AIG1: variants seen among roughly 807,000 people sequenced by gnomAD.
AIG1 encodes androgen induced 1, also known as androgen-induced gene 1 protein.
Under a neutral mutation model 31.4 loss-of-function variants are expected in AIG1, and 23 were observed. The ratio of observed to expected loss-of-function variants is 0.73; its 90% CI spans 0.53 to 1.04. AIG1 has a LOEUF of 1.04. AIG1 is among the 50% of genes least tolerant of loss of function. The pLI is 0.00. For missense variants in AIG1, 274 were observed against 295.0 expected, an observed-to-expected ratio of 0.93 and a Z score of 0.52; for synonymous variants, 100 against 110.5, an observed-to-expected ratio of 0.90 and a Z score of 0.60.
chr6:143,274,916 T>C (rs111800064), intron 3 of AIG1, among the ~76,000 whole-genome samples: 48 of 152,364 alleles, frequency 3.2e-4, no homozygotes, highest in African/African-American at 1.1e-3. Flanking sequence ...ATGTCTAGTA[T>C]AAACTCAGCA....
intron 1 of AIG1, among the ~76,000 whole-genome samples, chr6:143,085,211 G>C (rs1357137073): frequency 6.6e-6 from 1 of 152,146 alleles, no homozygotes; most frequent in East Asian, 1.9e-4. Context: ...ATACATCTTA[G>C]GGGTGTTTTT....
intron 3 of AIG1, among the ~76,000 whole-genome samples, chr6:143,184,403 G>A (rs1489878018): frequency 3.9e-5 from 6 of 152,158 alleles, no homozygotes; most frequent in African/African-American, 1.4e-4. Flanking sequence ...CAGCTACCCC[G>A]TGGGCATCAC....
rs1383173314 is a variant in AIG1 at position 143,293,493 on chromosome 6, A to G, written c.515+9268A>G. On this transcript the variant is annotated intron_variant, in intron 4 of 5. Transcript: ENST00000357847. This position sits in a 1 kb window ranked among gnomAD's most constrained non-coding sequence, Gnocchi z 4.8. ...CTTCTAAGGAAAAGTCTATCTGGGC[A>G]GTTGAAAGCCTGACAACAGAGAGTA... Among the ~76,000 whole-genome samples, 1 of 152,224 alleles carries G rather than the reference A, an allele frequency of 6.6e-6. No homozygotes were observed. Among genetic ancestry groups the G allele is most frequent in the African/African-American group, 2.4e-5 (1 of 41,458 alleles).
At position 143,120,856 on chromosome 6, in the gene AIG1, G is replaced by GCCGTGATGC. The variant is rs536940171; in HGVS notation, c.142-15976_142-15968dup. Among the ~76,000 whole-genome samples the GCCGTGATGC allele has an allele frequency of 2.6e-4, 40 of 152,338 alleles. No individual in the cohort carries two copies. The South Asian group carries it at 4.8e-3, about 18-fold the overall frequency. On this transcript the variant is annotated intron_variant, in intron 1 of 5. Coordinates refer to ENST00000357847, the MANE Select transcript of AIG1 (RefSeq NM_016108.4). Reference sequence around the variant, plus strand: ...GCAGCACTGTGACATGTTCGTGATGGCCGTGATGCCCATGCTGGAAGGTTG... The same window carrying GCCGTGATGC: ...GCAGCACTGTGACATGTTCGTGATGGCCGTGATGCCCGTGATGCCCATGCTGGAAGGTTG...
intron 3 of AIG1, among the ~76,000 whole-genome samples, chr6:143,195,322 C>T (rs1015887482): frequency 6.6e-6 from 1 of 152,086 alleles, no homozygotes; most frequent in African/African-American, 2.4e-5. Flanking sequence ...CCTGGAGACT[C>T]CTCCATACCA....
chr6:143,218,577 A>G (rs1369296587), intron 3 of AIG1, among the ~76,000 whole-genome samples: 1 of 152,194 alleles, frequency 6.6e-6, no homozygotes, highest in Non-Finnish European at 1.5e-5. Context: ...TCTTGCTTCC[A>G]CTAAACCAGC....
rs767923203 is a variant in AIG1 at position 143,061,213 on chromosome 6, G to C, written c.141+147G>C. ...CACCCGTGTCCTCGCCTCTTCCCCA[G>C]TGATTGCGTGTGAAGGCCTGGCTGC... On this transcript the variant is annotated intron_variant, in intron 1 of 5. Transcript: ENST00000357847. 2.6e-5 allele frequency: 25 copies of C among 974,602 alleles called. No individual in the cohort carries two copies. The East Asian group carries it at 4.7e-4, about 18-fold the overall frequency. The allele number at this position is 974,602 out of a possible 1,614,324, so 60.4% of individuals were successfully genotyped here.
At chr6:143,220,898 T>C (rs888024856) in intron 3 of AIG1, among the ~76,000 whole-genome samples, 1 of 152,196 alleles carries the variant, frequency 6.6e-6, no homozygotes, top group African/African-American at 2.4e-5. Flanking sequence ...AGTGTATCCC[T>C]CTATAACAAA....
At chr6:143,178,347 A>G (rs1362771265) in intron 3 of AIG1, among the ~76,000 whole-genome samples, 1 of 152,120 alleles carries the variant, frequency 6.6e-6, no homozygotes, top group South Asian at 2.1e-4. Flanking sequence ...TGCTCTCAAC[A>G]TGATGATGTG....
intron 1 of AIG1, among the ~76,000 whole-genome samples, chr6:143,078,982 T>A (rs769708960): frequency 6.6e-6 from 1 of 152,236 alleles, no homozygotes; most frequent in Non-Finnish European, 1.5e-5. Flanking sequence ...TCCCTTTTTA[T>A]GGTTTCTGCA....
intron 3 of AIG1, among the ~76,000 whole-genome samples, chr6:143,171,486 TAAATATATA>T (rs1562454334): frequency 1.7e-5 from 2 of 120,982 alleles, no homozygotes; most frequent in African/African-American, 6.9e-5. Context: ...TAATATATAT[TAAATATATA>T]ATATATATTT....
intron 3 of AIG1, among the ~76,000 whole-genome samples, chr6:143,218,171 T>C (rs1792181092): frequency 6.6e-6 from 1 of 152,250 alleles, no homozygotes; most frequent in Non-Finnish European, 1.5e-5. Flanking sequence ...TGTCCTCACT[T>C]GGGGTTTGTT....
intron 2 of AIG1, among the ~76,000 whole-genome samples, chr6:143,159,825 T>G (rs1395600768): frequency 6.6e-6 from 1 of 152,142 alleles, no homozygotes; most frequent in Non-Finnish European, 1.5e-5. Context: ...CGAAGCCAGA[T>G]AGCATGCACA....
At chr6:143,304,821 C>T (rs1168432534) in intron 4 of AIG1, among the ~76,000 whole-genome samples, 1 of 152,076 alleles carries the variant, frequency 6.6e-6, no homozygotes, top group Non-Finnish European at 1.5e-5. Flanking sequence ...CTCCTTGTAC[C>T]TCTGGTAGAA....
In AIG1 at chr6:143,340,638, A is replaced by G. The variant is rs1703607376; in HGVS notation, c.*962A>G. On this transcript the variant is annotated 3_prime_UTR_variant, in exon 6 of 6. Coordinates refer to ENST00000357847, the MANE Select transcript of AIG1 (RefSeq NM_016108.4). Reference sequence around the variant, plus strand: ...GCCACACGCCCGGCTTATTTTTTGTATTTTTAGTAGAGACGGGGTTTCACC... The same window carrying G: ...GCCACACGCCCGGCTTATTTTTTGTGTTTTTAGTAGAGACGGGGTTTCACC... 6.6e-6 allele frequency among the ~76,000 whole-genome samples: 1 copy of G among 151,756 alleles called. No individual in the cohort carries two copies. The highest frequency in any genetic ancestry group is 1.5e-5 in the Non-Finnish European group (1 of 67,940).
rs1329379967 is a variant in AIG1 at position 143,297,697 on chromosome 6, A to G, written c.515+13472A>G. On this transcript the variant is annotated intron_variant, in intron 4 of 5. Coordinates refer to ENST00000357847, the MANE Select transcript of AIG1 (RefSeq NM_016108.4). This position sits in a 1 kb window ranked among gnomAD's most constrained non-coding sequence, Gnocchi z 5.1. ...CATTCTTCATACTCTCTGATGCTCTAGCCCTCCTGGCAAGCTTTCATACAC... is the reference window on the plus strand; with the variant it reads ...CATTCTTCATACTCTCTGATGCTCTGGCCCTCCTGGCAAGCTTTCATACAC... Among the ~76,000 whole-genome samples, 2 of 152,172 alleles carry G rather than the reference A, an allele frequency of 1.3e-5. No homozygotes were observed. Among genetic ancestry groups the G allele is most frequent in the Non-Finnish European group, 2.9e-5 (2 of 68,020 alleles).
intron 4 of AIG1, among the ~76,000 whole-genome samples, chr6:143,324,977 A>G (rs529521229): frequency 6.6e-6 from 1 of 152,320 alleles, no homozygotes; most frequent in Admixed American, 6.5e-5. Flanking sequence ...GAGCTTGACA[A>G]TGTCATTTTT....
intron 3 of AIG1, among the ~76,000 whole-genome samples, chr6:143,247,051 G>A (rs72990455): frequency 0.01 from 1,583 of 152,308 alleles, 23 homozygotes; most frequent in Non-Finnish European, 0.017. Flanking sequence ...TGGAGTTATA[G>A]GGCATTAACT....
chr6:143,177,223 A>G (rs1788254925), intron 3 of AIG1, among the ~76,000 whole-genome samples: 1 of 152,076 alleles, frequency 6.6e-6, no homozygotes, highest in African/African-American at 2.4e-5. Flanking sequence ...CATTGAATCT[A>G]TTTGTGTTCT....
Sources: allele counts gnomAD v4.1 joint callset (sites outside exome capture counted in the v4.1 genomes callset), GRCh38; gene constraint gnomAD v4.1.1; non-coding constraint Gnocchi (gnomAD v3.1); transcripts MANE v1.5; gene names NCBI Gene and HGNC (gene_info 2026-07-23, HGNC 2026-07-21).